The following XKRX variants were observed in gnomAD, a reference collection of about 807,000 sequenced individuals.
XKRX encodes the protein XK related X-linked.
In XKRX, 11 loss-of-function variants were observed where a neutral mutation model predicts 22.4. The ratio of observed to expected loss-of-function variants is 0.49; its 90% CI spans 0.31 to 0.81. The LOEUF (loss-of-function observed/expected upper bound fraction) is 0.81, where lower values mean the gene tolerates loss of function less well. Among genes scored for constraint, XKRX ranks in the 40% least tolerant of loss-of-function variants. The pLI is 0.05. For synonymous variants in XKRX, 114 were observed against 132.2 expected (o/e 0.86, Z 0.94); for missense variants, 320 against 336.5 (o/e 0.95, Z 0.38).
chrX:100,906,754 C>A, the XKRX span, among the ~76,000 whole-genome samples: 1 of 111,322 alleles, frequency 9.0e-6, no homozygotes, highest in African/African-American at 3.3e-5. Context: ...GCTGAAACAG[C>A]CATGTCAGAA....
chrX:100,902,785 C>A, the XKRX span, among the ~76,000 whole-genome samples: 7 of 109,492 alleles, frequency 6.4e-5, no homozygotes, highest in African/African-American at 2.3e-4. Flanking sequence ...GAGTCTCGCT[C>A]TGTCACCCAG....
the XKRX span, among the ~76,000 whole-genome samples, chrX:100,908,192 G>A: frequency 9.4e-6 from 1 of 106,235 alleles, no homozygotes; most frequent in African/African-American, 3.4e-5. Flanking sequence ...GCATGATCTC[G>A]GCTCACTGCA....
the XKRX span, among the ~76,000 whole-genome samples, chrX:100,895,972 C>A: frequency 1.8e-5 from 2 of 111,861 alleles, no homozygotes; most frequent in Admixed American, 1.9e-4. Flanking sequence ...TCCTGCTAGG[C>A]AACCCATTTG....
chrX:100,892,722 G>A, the XKRX span, among the ~76,000 whole-genome samples: 35 of 112,621 alleles, frequency 3.1e-4, no homozygotes, highest in African/African-American at 1.1e-3. Flanking sequence ...CTTGCATACT[G>A]TTAGTGGGAA....
At chrX:100,949,637 G>C in the XKRX span, among the ~76,000 whole-genome samples, 2 of 111,144 alleles carry the variant, frequency 1.8e-5, no homozygotes, top group African/African-American at 6.5e-5. Flanking sequence ...CAAAGTGCTG[G>C]GATTACAGGC....
upstream of XKRX, among the ~76,000 whole-genome samples, chrX:100,930,325 A>AATG (rs57252641): frequency 0.25 from 25,681 of 102,846 alleles, 2,731 homozygotes; most frequent in Non-Finnish European, 0.27. Flanking sequence ...TAATAATAAT[A>AATG]ATGATGATTA....
chrX:100,897,715 C>A, the XKRX span, among the ~76,000 whole-genome samples: 6 of 98,001 alleles, frequency 6.1e-5, no homozygotes, highest in Non-Finnish European at 1.0e-4. Flanking sequence ...AAAAAAAGAC[C>A]TTTAGCACCC....
the XKRX span, among the ~76,000 whole-genome samples, chrX:100,900,988 T>C: frequency 5.9e-3 from 652 of 109,581 alleles, 4 homozygotes; most frequent in African/African-American, 7.7e-3. Context: ...GACGGGGTTT[T>C]ACCGTGTTAG....
chrX:100,940,902 T>G, the XKRX span, among the ~76,000 whole-genome samples: 1 of 111,753 alleles, frequency 8.9e-6, no homozygotes, highest in African/African-American at 3.2e-5. Context: ...AAACTTCTCA[T>G]GTAGGAGATA....
chrX:100,895,261 T>A, the XKRX span, among the ~76,000 whole-genome samples: 2 of 112,300 alleles, frequency 1.8e-5, no homozygotes, highest in Non-Finnish European at 3.8e-5. Context: ...GTAAGACTCA[T>A]CATTCTTTTC....
At chrX:100,900,135 C>T in the XKRX span, among the ~76,000 whole-genome samples, 1,325 of 111,961 alleles carry the variant, frequency 0.012, 16 homozygotes, top group African/African-American at 0.041. Flanking sequence ...AATCTCAGCT[C>T]ACTGCAGCCT....
chrX:100,887,975 T>A, the XKRX span: 2 of 1,062,816 alleles, frequency 1.9e-6, no homozygotes, highest in Non-Finnish European at 2.6e-6. Context: ...AGAAACCACC[T>A]CCACAACCAC....
chrX:100,903,523 A>G, the XKRX span, among the ~76,000 whole-genome samples: 2 of 112,324 alleles, frequency 1.8e-5, no homozygotes, highest in African/African-American at 6.5e-5. Context: ...TTAGTTTTGT[A>G]AGAAACTACC....
At chrX:100,942,350 C>T in the XKRX span, among the ~76,000 whole-genome samples, 6,192 of 111,518 alleles carry the variant, frequency 0.056, 365 homozygotes, top group African/African-American at 0.17. Flanking sequence ...AGAAACAACA[C>T]ATTCAAGAGA....
chrX:100,941,988 C>G, the XKRX span, among the ~76,000 whole-genome samples: 1 of 109,989 alleles, frequency 9.1e-6, no homozygotes, highest in Non-Finnish European at 1.9e-5. Flanking sequence ...GCTGGGATTA[C>G]AGGCACACAC....
chrX:100,897,987 G>C, the XKRX span, among the ~76,000 whole-genome samples: 1 of 111,533 alleles, frequency 9.0e-6, no homozygotes, highest in South Asian at 3.8e-4. Flanking sequence ...CATGTTACGA[G>C]TGGCAGTGCT....
At chrX:100,905,784 A>C in the XKRX span, among the ~76,000 whole-genome samples, 2 of 112,379 alleles carry the variant, frequency 1.8e-5, no homozygotes, top group Non-Finnish European at 3.8e-5. Flanking sequence ...AGCCAACTCA[A>C]AAGAGGATAT....
chrX:100,907,333 C>T, the XKRX span, among the ~76,000 whole-genome samples: 3 of 110,866 alleles, frequency 2.7e-5, no homozygotes, highest in African/African-American at 6.6e-5. Flanking sequence ...GTAGCTGGGA[C>T]GACAGGTACA....
At chrX:100,941,773 A>G in the XKRX span, among the ~76,000 whole-genome samples, 33 of 111,940 alleles carry the variant, frequency 2.9e-4, no homozygotes, top group Admixed American at 7.6e-4. Flanking sequence ...TTAACTAAAT[A>G]TGTATCCTGA....
Sources: gnomAD v4.1 joint callset for allele counts (sites outside exome capture counted in the v4.1 genomes callset) on GRCh38, gnomAD v4.1.1 for gene constraint, MANE v1.5 for transcripts, NCBI Gene and HGNC (gene_info 2026-07-23, HGNC 2026-07-21) for gene names.